Variants in GRIK2 observed in about 807,000 individuals in gnomAD.
GRIK2 encodes glutamate receptor ionotropic, kainate 2.
In GRIK2, 32 loss-of-function variants were observed where a neutral mutation model predicts 100.3. The ratio of observed to expected loss-of-function variants is 0.32; its 90% CI spans 0.24 to 0.43. The LOEUF (loss-of-function observed/expected upper bound fraction) is 0.43. Among genes scored for constraint, GRIK2 ranks in the 20% least tolerant of loss-of-function variants. GRIK2 has a pLI of 1.00. For synonymous variants in GRIK2, 417 were observed against 389.4 expected, an observed-to-expected ratio of 1.07 and a Z score of -0.83; for missense variants, 843 against 1,114.9, an observed-to-expected ratio of 0.76 and a Z score of 3.47.
At chr6:102,003,450 T>G (rs1173719191) in intron 14 of GRIK2, among the ~76,000 whole-genome samples, 1 of 151,804 alleles carries the variant, frequency 6.6e-6, no homozygotes, top group African/African-American at 2.4e-5. Flanking sequence ...TTATATAAAT[T>G]TCTTGATTGT....
chr6:101,628,035 T>A (rs1780542752), intron 4 of GRIK2, among the ~76,000 whole-genome samples: 1 of 152,182 alleles, frequency 6.6e-6, no homozygotes, highest in East Asian at 1.9e-4. Flanking sequence ...CTCTTTAAAT[T>A]AGAACATAAA....
intron 14 of GRIK2, among the ~76,000 whole-genome samples, chr6:101,938,777 G>A (rs1374546446): frequency 6.6e-6 from 1 of 151,992 alleles, no homozygotes; most frequent in Non-Finnish European, 1.5e-5. Flanking sequence ...ATTATGGATG[G>A]TTATATAATT....
chr6:101,550,757 G>A (rs1046397321), intron 2 of GRIK2, among the ~76,000 whole-genome samples: 12 of 152,140 alleles, frequency 7.9e-5, no homozygotes, highest in African/African-American at 2.4e-4. Flanking sequence ...AGACTGTAGC[G>A]CGATGTGTTA....
chr6:101,500,028 C>T (rs770464245), intron 2 of GRIK2, among the ~76,000 whole-genome samples: 6 of 151,930 alleles, frequency 3.9e-5, no homozygotes, highest in Non-Finnish European at 1.5e-5. Context: ...TACTTTCTGG[C>T]TCTTGGATTT....
intron 2 of GRIK2, among the ~76,000 whole-genome samples, chr6:101,459,612 C>A (rs903373348): frequency 2.6e-5 from 4 of 152,030 alleles, no homozygotes; most frequent in East Asian, 1.9e-4. Flanking sequence ...AGAAAAAAAA[C>A]CCTCAACTTT....
At chr6:102,055,607 T>C (rs1778708412) in intron 16 of GRIK2, 27 bp downstream of exon 16, 2 of 1,538,318 alleles carry the variant, frequency 1.3e-6, no homozygotes, top group Non-Finnish European at 1.8e-6. Context: ...TCAGTTTAAA[T>C]TTAAAACAAT....
At chr6:102,031,368 A>G (rs962633103) in intron 14 of GRIK2, among the ~76,000 whole-genome samples, 1 of 151,270 alleles carries the variant, frequency 6.6e-6, no homozygotes, top group Non-Finnish European at 1.5e-5. Context: ...TTAACTATTT[A>G]TGAAACCTGG....
intron 10 of GRIK2, among the ~76,000 whole-genome samples, chr6:101,838,903 T>C (rs1033880234): frequency 8.5e-5 from 13 of 152,142 alleles, no homozygotes; most frequent in African/African-American, 2.9e-4. Context: ...ACCACCTACG[T>C]TGGCCTTCTG....
chr6:101,516,075 T>C (rs1404002675), intron 2 of GRIK2, among the ~76,000 whole-genome samples: 2 of 152,008 alleles, frequency 1.3e-5, no homozygotes, highest in Non-Finnish European at 2.9e-5. Flanking sequence ...CCTTAATCCA[T>C]CTTGAGTTGA....
intron 16 of GRIK2, among the ~76,000 whole-genome samples, chr6:102,057,945 G>C (rs754067468): frequency 9.2e-5 from 14 of 151,660 alleles, no homozygotes; most frequent in Non-Finnish European, 2.1e-4. Context: ...ATGGGTTTGG[G>C]CACAGAGCAT....
At chr6:101,757,494 A>G (rs1311660627) in intron 7 of GRIK2, among the ~76,000 whole-genome samples, 1 of 152,212 alleles carries the variant, frequency 6.6e-6, no homozygotes, top group Non-Finnish European at 1.5e-5. Context: ...ATTTCATTTA[A>G]AAGTTTACAG....
At chr6:101,394,945 T>A (rs549750583) in intron 1 of GRIK2, among the ~76,000 whole-genome samples, 27 of 149,996 alleles carry the variant, frequency 1.8e-4, no homozygotes, top group Non-Finnish European at 2.8e-4. Flanking sequence ...GGCTGAAATT[T>A]AAAAAAAAAA....
intron 9 of GRIK2, among the ~76,000 whole-genome samples, chr6:101,812,493 T>C (rs1256111345): frequency 3.3e-5 from 5 of 151,106 alleles, no homozygotes; most frequent in South Asian, 2.1e-4. Context: ...TTCTGTTCAA[T>C]AAATATTATT....
intron 14 of GRIK2, among the ~76,000 whole-genome samples, chr6:101,987,996 G>A (rs888144457): frequency 2.0e-5 from 3 of 150,910 alleles, no homozygotes; most frequent in Admixed American, 6.6e-5. Context: ...TGTTTTTATC[G>A]GATCATAAAA....
intron 10 of GRIK2, among the ~76,000 whole-genome samples, chr6:101,830,615 C>G (rs1782615373): frequency 6.6e-6 from 1 of 151,728 alleles, no homozygotes; most frequent in East Asian, 1.9e-4. Flanking sequence ...AACAAATGCT[C>G]AGCATTACTA....
At chr6:101,902,745 CA>C (rs1787936353) in intron 12 of GRIK2, among the ~76,000 whole-genome samples, 1 of 148,654 alleles carries the variant, frequency 6.7e-6, no homozygotes, top group Middle Eastern at 3.5e-3. Context: ...AATTTTTAAC[CA>C]AAAGTTCTTA....
At chr6:101,964,548 A>T (rs193092688) in intron 14 of GRIK2, among the ~76,000 whole-genome samples, 6 of 152,220 alleles carry the variant, frequency 3.9e-5, no homozygotes, top group Non-Finnish European at 5.9e-5. Context: ...TAGTTCTCAA[A>T]CCCGTGACCA....
chr6:101,924,568 T>G, intron 12 of GRIK2, 33 bp from the exon 13 acceptor site: 3 of 1,106,608 alleles, frequency 2.7e-6, no homozygotes, highest in Non-Finnish European at 4.1e-6. Flanking sequence ...CACTGCAATT[T>G]AAATGTATTC....
At chr6:101,941,780 A>G (rs1372319749) in intron 14 of GRIK2, among the ~76,000 whole-genome samples, 4 of 152,164 alleles carry the variant, frequency 2.6e-5, no homozygotes, top group African/African-American at 9.6e-5. Flanking sequence ...AAAATTGCCC[A>G]TAGTTTACAA....
Sources: gnomAD v4.1 joint callset for allele counts (sites outside exome capture counted in the v4.1 genomes callset) on GRCh38, gnomAD v4.1.1 for gene constraint, MANE v1.5 for transcripts, NCBI Gene and HGNC (gene_info 2026-07-23, HGNC 2026-07-21) for gene names.